LSS: variants seen among roughly 807,000 people sequenced by gnomAD.
The protein encoded by LSS is 2,3-epoxysqualene-lanosterol cyclase.
Under a neutral mutation model 110.3 loss-of-function variants are expected in LSS, and 90 were observed. That is an observed-to-expected ratio of 0.82 (90% CI 0.69 to 0.97). LSS has a LOEUF of 0.97. Ranked by LOEUF, LSS falls within the 50% of genes least tolerant of loss-of-function variation. LSS has a pLI of 0.00. For missense variants in LSS, 927 were observed against 990.0 expected (o/e 0.94, Z 0.85); for synonymous variants, 433 against 400.0 (o/e 1.08, Z -0.98).
chr21:46,188,845 A>T lies in LSS; in HGVS notation c.*2259T>A, dbSNP rs777665895. On this transcript the variant is annotated 3_prime_UTR_variant, in exon 22 of 22. Coordinates refer to ENST00000397728, the MANE Select transcript of LSS (RefSeq NM_002340.6). The stretch of plus-strand genomic sequence containing the variant: ...CACTGTGAAGGAAAACAATGCAGTG[A>T]AAGAAAGTTCCTCCTATGTGGACAT... 3 of 460,826 alleles carry T rather than the reference A, an allele frequency of 6.5e-6. No homozygotes were observed. Among genetic ancestry groups the T allele is most frequent in the South Asian group, 4.7e-5 (3 of 63,984 alleles). 28.5% of individuals were successfully genotyped at this position (460,826 alleles called of 1,614,324 possible).
chr21:46,200,776 T>C, intron 17 of LSS, among the ~76,000 whole-genome samples: 1 of 152,170 alleles, frequency 6.6e-6, no homozygotes, highest in Non-Finnish European at 1.5e-5. Flanking sequence ...ATGCAACCCA[T>C]GATATTGGAT....
intron 4 of LSS, 46 bp downstream of exon 4, chr21:46,222,584 A>G (rs937831078): frequency 9.8e-6 from 15 of 1,535,390 alleles, no homozygotes; most frequent in Non-Finnish European, 1.3e-5. Flanking sequence ...CATCATGAGA[A>G]CACACACATG....
rs774926163 is a variant in LSS, at chr21:46,216,396, AG to A, written c.775del (p.Leu259SerfsTer118). ...SAAEDPLVQSLRQELYVEDFA... is the reference protein window; with the variant it reads ...SAAEDPLVQSXRQELYVEDFA... The stretch of plus-strand genomic sequence containing the variant: ...TCCCTGATGAGGTCCTACCTGGCGG[AG>A]GCTCTGGACCAGCGGGTCTTCCGCG... On this transcript the variant is annotated frameshift_variant, in exon 7 of 22. Coordinates refer to ENST00000397728, the MANE Select transcript of LSS (RefSeq NM_002340.6). LOFTEE classifies it high-confidence loss of function. This position sits in a 1 kb window ranked among gnomAD's most constrained non-coding sequence, Gnocchi z 4.2. 5 of 1,613,786 alleles carry A rather than the reference AG, an allele frequency of 3.1e-6. No homozygotes were observed. The Admixed American group carries it at 8.3e-5, about 27-fold the overall frequency.
In LSS at chr21:46,190,696, C is replaced by A. The variant is rs1198942212; in HGVS notation, c.*408G>T. ...CAGGAGAAGCCTGCCCAGGGCCGAC[C>A]CCAGCCCAGAGCCCACTCGACACTA... On this transcript the variant is annotated 3_prime_UTR_variant, in exon 22 of 22. Coordinates refer to ENST00000397728, the MANE Select transcript of LSS (RefSeq NM_002340.6). This position sits in a 1 kb window ranked among gnomAD's most constrained non-coding sequence, Gnocchi z 4.6. 5.0e-6 allele frequency: 1 copy of A among 198,952 alleles called. No individual in the cohort carries two copies. The highest frequency in any genetic ancestry group is 1.0e-5 in the Non-Finnish European group (1 of 97,846). The allele number at this position is 198,952 out of a possible 1,614,324, so 12.3% of individuals were successfully genotyped here. A position where few individuals can be genotyped will look rare whatever the true frequency, so the allele number is the denominator to read the frequency against.
chr21:46,189,053 G>A lies in LSS; in HGVS notation c.*2051C>T, dbSNP rs182306824. 1.4e-4 allele frequency: 39 copies of A among 286,216 alleles called. No individual in the cohort carries two copies. The East Asian group carries it at 3.0e-3, about 22-fold the overall frequency. The allele number at this position is 286,216 out of a possible 1,614,324, so 17.7% of individuals were successfully genotyped here. On this transcript the variant is annotated 3_prime_UTR_variant, in exon 22 of 22. Transcript: ENST00000397728. The stretch of plus-strand genomic sequence containing the variant: ...GGCCTCCCACTCGCCCCACAGGCAG[G>A]TGACGTATGACAGCCAGAAACCCCA...
intron 17 of LSS, among the ~76,000 whole-genome samples, chr21:46,205,550 C>T (rs982262273): frequency 3.9e-5 from 6 of 152,172 alleles, no homozygotes; most frequent in African/African-American, 1.2e-4. Context: ...ACTTAAAAAC[C>T]GTTTCTGGGA....
chr21:46,225,389 T>TG, intron 3 of LSS: 1 of 453,544 alleles, frequency 2.2e-6, no homozygotes, highest in Non-Finnish European at 4.4e-6. Flanking sequence ...GACCCAACCG[T>TG]GGTCTAGCGG....
intron 20 of LSS, chr21:46,192,226 G>C (rs373893736): frequency 4.5e-5 from 25 of 557,394 alleles, no homozygotes; most frequent in African/African-American, 4.4e-4. Flanking sequence ...GTTCCCCCCT[G>C]AAGAGGACGC....
intron 4 of LSS, chr21:46,222,210 T>C (rs2080287850): frequency 5.3e-6 from 3 of 563,416 alleles, no homozygotes; most frequent in Non-Finnish European, 9.5e-6. Context: ...GCTCTACACC[T>C]TCCCACGCCT....
intron 10 of LSS, 122 bp downstream of exon 10, chr21:46,213,616 C>T (rs2080161644): frequency 5.3e-6 from 4 of 748,944 alleles, no homozygotes; most frequent in South Asian, 1.6e-5. Context: ...CTGCTGGTTC[C>T]TGGAGGTATT....
chr21:46,204,061 G>C lies in LSS; in HGVS notation c.1670+1775C>G, dbSNP rs533916224. 2.1e-4 allele frequency among the ~76,000 whole-genome samples: 32 copies of C among 152,332 alleles called. No homozygotes were observed. In the Middle Eastern group the frequency reaches 0.01, roughly 49 times the overall value. ...TAATCCCAGCACTCTGGGAGGCCAA[G>C]GAAGGTGGATCACCTGAGGTCAGGA... On this transcript the variant is annotated intron_variant, in intron 17 of 21. Coordinates refer to ENST00000397728, the MANE Select transcript of LSS (RefSeq NM_002340.6).
chr21:46,206,644 C>T (rs760708036), intron 16 of LSS, 28 bp downstream of exon 16: 41 of 1,586,034 alleles, frequency 2.6e-5, no homozygotes, highest in Admixed American at 2.2e-4. Context: ...CCCGGGTTTG[C>T]GCGCCGCAGT....
At chr21:46,201,193 G>C (rs112717325) in intron 17 of LSS, among the ~76,000 whole-genome samples, 56 of 71,212 alleles carry the variant, frequency 7.9e-4, no homozygotes, top group East Asian at 2.3e-3. Context: ...ATGAAGCCCT[G>C]AGGGTAGAGC....
chr21:46,224,345 C>T (rs1259211811), intron 3 of LSS, among the ~76,000 whole-genome samples: 4 of 152,274 alleles, frequency 2.6e-5, no homozygotes, highest in Admixed American at 6.5e-5. Context: ...GCCAGACATT[C>T]GGGGCCACTA....
In LSS at chr21:46,196,186, G is replaced by A. The variant is rs2079907421; in HGVS notation, c.1736+16C>T. The A allele has an allele frequency of 6.2e-7, 1 of 1,613,508 alleles. No homozygotes were observed. The highest frequency in any genetic ancestry group is 8.5e-7 in the Non-Finnish European group (1 of 1,179,540). On this transcript the variant is annotated intron_variant, in intron 18 of 21. Transcript: ENST00000397728. ...ATCCCGTGCATCTCTGCACTCACGA[G>A]TGGAGGCTCACTCACCCTTCCCAGG...
In LSS at chr21:46,222,757, G is replaced by A. The variant is rs1473326396; in HGVS notation, c.320-19C>T. 2.5e-6 allele frequency: 4 copies of A among 1,589,984 alleles called. No homozygotes were observed. Among genetic ancestry groups the A allele is most frequent in the Middle Eastern group, 1.7e-4 (1 of 6,038 alleles). ...AGGAGGCCTGTGTGGCAGGAGAGAT[G>A]TTCCTCACTGGGGACAGGTGGTCAT... is the stretch of plus-strand genomic sequence containing the variant. On this transcript the variant is annotated intron_variant, in intron 3 of 21. Transcript: ENST00000397728.
chr21:46,199,365 G>C (rs2079950255), intron 17 of LSS, among the ~76,000 whole-genome samples: 1 of 152,172 alleles, frequency 6.6e-6, no homozygotes, highest in African/African-American at 2.4e-5. Flanking sequence ...AAACACAACA[G>C]CAAATGCTGG....
intron 17 of LSS, among the ~76,000 whole-genome samples, chr21:46,201,647 C>T (rs1345744353): frequency 5.9e-5 from 9 of 152,076 alleles, no homozygotes; most frequent in African/African-American, 2.2e-4. Context: ...TAAACAGGAG[C>T]ACTTTTCAGT....
In LSS at chr21:46,188,667, T is replaced by C. The variant is rs1409264605; in HGVS notation, c.*2437A>G. The C allele has an allele frequency of 2.1e-6, 1 of 470,474 alleles. No individual in the cohort carries two copies. The highest frequency in any genetic ancestry group is 4.4e-6 in the Non-Finnish European group (1 of 227,018). The allele number at this position is 470,474 out of a possible 1,614,324, so 29.1% of individuals were successfully genotyped here. Reference sequence around the variant, plus strand: ...AATTGTGAACAAAAAGTCCTCTTCGTGGAACAGGAAAAATACACTCCCTCT... The same window carrying C: ...AATTGTGAACAAAAAGTCCTCTTCGCGGAACAGGAAAAATACACTCCCTCT... On this transcript the variant is annotated 3_prime_UTR_variant, in exon 22 of 22. Transcript: ENST00000397728.
Sources: gnomAD v4.1 joint callset for allele counts (sites outside exome capture counted in the v4.1 genomes callset) on GRCh38, gnomAD v4.1.1 for gene constraint, Gnocchi (gnomAD v3.1) non-coding constraint, MANE v1.5 for transcripts, NCBI Gene and HGNC (gene_info 2026-07-23, HGNC 2026-07-21) for gene names.